The following NAE1 variants were observed in gnomAD, a reference collection of about 807,000 sequenced individuals.
The protein encoded by NAE1 is NEDD8-activating enzyme E1 regulatory subunit.
NAE1 carries 59 observed loss-of-function variants against 88.0 expected under a neutral mutation model. The observed-to-expected ratio is 0.67, with a 90% CI of 0.54 to 0.83. The LOEUF is 0.83. Ranked by LOEUF, NAE1 falls within the 40% of genes least tolerant of loss-of-function variation. The pLI is 0.00. For synonymous variants in NAE1, 186 were observed against 208.9 expected (o/e 0.89, Z 0.95); for missense variants, 554 against 632.8 (o/e 0.88, Z 1.34).
intron 1 of NAE1, chr16:66,827,882 T>C (rs1273799961): frequency 2.9e-6 from 3 of 1,030,782 alleles, no homozygotes; most frequent in Middle Eastern, 2.4e-4. Flanking sequence ...TACAGGGTCT[T>C]ACTATGTTAT....
At chr16:66,818,726 G>A in intron 7 of NAE1, 89 bp from the exon 8 acceptor site, 1 of 1,433,642 alleles carries the variant, frequency 7.0e-7, no homozygotes, top group African/African-American at 1.5e-5. Flanking sequence ...CCAGGCTGAA[G>A]TACAGTGGCA....
At chr16:66,808,395 T>C (rs1959657553) in intron 17 of NAE1, 126 bp downstream of exon 17, 4 of 679,016 alleles carry the variant, frequency 5.9e-6, no homozygotes, top group Admixed American at 3.2e-5. Context: ...TGGGGAACGT[T>C]TGGGGTGTAA....
intron 12 of NAE1, 31 bp from the exon 13 acceptor site, chr16:66,813,728 T>C: frequency 6.2e-7 from 1 of 1,610,628 alleles, no homozygotes. Flanking sequence ...TAACATTAAG[T>C]GGCGTTTTAC....
intron 13 of NAE1, among the ~76,000 whole-genome samples, chr16:66,812,293 T>C (rs1372792934): frequency 4.6e-5 from 7 of 152,066 alleles, no homozygotes; most frequent in Admixed American, 2.0e-4. Flanking sequence ...ATGTGTAAAA[T>C]GGGGCCGGTA....
intron 17 of NAE1, among the ~76,000 whole-genome samples, chr16:66,806,310 G>A (rs1959561499): frequency 6.6e-6 from 1 of 152,136 alleles, no homozygotes; most frequent in South Asian, 2.1e-4. Flanking sequence ...TTTGATAGAA[G>A]AACTTAATGA....
chr16:66,803,132 G>C lies in NAE1; in HGVS notation c.1496-14C>G. 6.6e-7 allele frequency: 1 copy of C among 1,517,194 alleles called. No individual in the cohort carries two copies. Among genetic ancestry groups the C allele is most frequent in the South Asian group, 1.1e-5 (1 of 88,838 alleles). The allele number at this position is 1,517,194 out of a possible 1,614,324, so 94.0% of individuals were successfully genotyped here. On this transcript the variant is annotated splice_polypyrimidine_tract_variant and intron_variant, in intron 19 of 19. Coordinates refer to ENST00000290810, the MANE Select transcript of NAE1 (RefSeq NM_003905.4). ...GAGCAGCAGCTCCTGAAAGGAAAAA[G>C]GAGAAAAGCAAATCTTTGAAAGAGT...
intron 19 of NAE1, among the ~76,000 whole-genome samples, chr16:66,804,967 T>C (rs908786283): frequency 6.6e-6 from 1 of 152,178 alleles, no homozygotes; most frequent in African/African-American, 2.4e-5. Flanking sequence ...TCTATGATAT[T>C]CTGTTACAGC....
chr16:66,813,604 T>C lies in NAE1; in HGVS notation c.994A>G (p.Met332Val). The stretch of plus-strand genomic sequence containing the variant: ...ATATATTTGCCTGAATCTGCAATCA[T>C]ATCAGGAATTGTGCCTCGAACAGGT... Reference protein sequence around the residue: ...NLPVRGTIPDMIADSGKYIKL... With the variant: ...NLPVRGTIPDVIADSGKYIKL... The change falls in exon 13 of 20, where the codon ATG (methionine) becomes GTG (valine). Residue 332 changes from methionine to valine, a missense_variant. Physicochemically the swap from Met to Val is conservative, Grantham distance 21 (BLOSUM62 1). Transcript: ENST00000290810. 1.2e-6 allele frequency: 2 copies of C among 1,613,948 alleles called. No individual in the cohort carries two copies. The highest frequency in any genetic ancestry group is 1.7e-5 in the Admixed American group (1 of 59,990).
chr16:66,806,476 G>C (rs1210983384), intron 17 of NAE1, among the ~76,000 whole-genome samples: 2 of 151,840 alleles, frequency 1.3e-5, no homozygotes, highest in East Asian at 1.9e-4. Context: ...CTAGGCTGGA[G>C]TGCAGTGGTG....
chr16:66,817,129 C>CA, intron 9 of NAE1, 101 bp from the exon 10 acceptor site: 1 of 1,399,258 alleles, frequency 7.1e-7, no homozygotes, highest in Admixed American at 2.9e-5. Flanking sequence ...ATTTCATCAA[C>CA]AAATATATTT....
Position 66,823,243 on chromosome 16 carries a change from T to C in NAE1, c.385A>G (p.Thr129Ala), listed in dbSNP as rs1960338180. Residue 129 changes from threonine to alanine, a missense_variant, in exon 6 of 20, where the codon ACT becomes GCT. Coordinates refer to ENST00000290810, the MANE Select transcript of NAE1 (RefSeq NM_003905.4). ...AAAATTTACCTTTCAGGAAGCTGAGTTGCAACTACAACAGTAAACCTACAG... is the reference window on the plus strand; with the variant it reads ...AAAATTTACCTTTCAGGAAGCTGAGCTGCAACTACAACAGTAAACCTACAG... ...FFCRFTVVVA[T>A]QLPESTSLRL... 5 of 1,590,340 alleles carry C rather than the reference T, an allele frequency of 3.1e-6. No homozygotes were observed. Among genetic ancestry groups the C allele is most frequent in the Non-Finnish European group, 2.6e-6 (3 of 1,169,914 alleles).
At chr16:66,818,443 T>TAAC (rs1401726718) in intron 8 of NAE1, 85 bp downstream of exon 8, 6 of 960,628 alleles carry the variant, frequency 6.2e-6, no homozygotes, top group Non-Finnish European at 9.1e-6. Flanking sequence ...TATAGGATTT[T>TAAC]CTCACTTTAG....
intron 17 of NAE1, among the ~76,000 whole-genome samples, chr16:66,807,097 T>G (rs1959596178): frequency 6.6e-6 from 1 of 152,118 alleles, no homozygotes; most frequent in South Asian, 2.1e-4. Context: ...CATGTCTAAC[T>G]CAGTCAGTCA....
chr16:66,818,690 A>G, intron 7 of NAE1, 53 bp from the exon 8 acceptor site: 2 of 1,532,456 alleles, frequency 1.3e-6, no homozygotes, highest in South Asian at 1.2e-5. Context: ...AAAAAAAAAG[A>G]GAGAGATGGG....
Position 66,810,714 on chromosome 16 carries a change from G to A in NAE1, c.1093C>T (p.Leu365=), listed in dbSNP as rs769684888. 11 of 1,614,166 alleles carry A rather than the reference G, an allele frequency of 6.8e-6. No homozygotes were observed. Among genetic ancestry groups the A allele is most frequent in the Non-Finnish European group, 9.3e-6 (11 of 1,179,996 alleles). Residue 365 remains leucine, a synonymous_variant, in exon 14 of 20, where the codon CTG becomes TTG. Coordinates refer to ENST00000290810, the MANE Select transcript of NAE1 (RefSeq NM_003905.4). ...TAGCTTACCTGGCCAATGGACTGCA[G>A]CAATTTGGCAACATGATTACCCACA... ...AAVGNHVAKL[L]QSIGQAPESI... is the part of the protein sequence containing the mutation.
chr16:66,810,523 G>A (rs1167039919), intron 14 of NAE1, 110 bp from the exon 15 acceptor site: 3 of 1,147,570 alleles, frequency 2.6e-6, no homozygotes, highest in Admixed American at 2.2e-5. Flanking sequence ...CAAGAGCTGG[G>A]AGAGCACTTT....
chr16:66,818,439 A>AAG (rs1333737787), intron 8 of NAE1, 89 bp downstream of exon 8: 6 of 929,892 alleles, frequency 6.5e-6, no homozygotes, highest in Non-Finnish European at 9.5e-6. Context: ...AGTTTATAGG[A>AAG]TTTTCTCACT....
At chr16:66,806,659 C>T (rs927293650) in intron 17 of NAE1, among the ~76,000 whole-genome samples, 9 of 152,184 alleles carry the variant, frequency 5.9e-5, no homozygotes, top group South Asian at 4.1e-4. Flanking sequence ...GTGATCCACC[C>T]GCCTTGGCCT....
chr16:66,821,030 T>C (rs985347282), intron 7 of NAE1, among the ~76,000 whole-genome samples: 2 of 152,024 alleles, frequency 1.3e-5, no homozygotes, highest in African/African-American at 2.4e-5. Flanking sequence ...GATTGTGCCA[T>C]TGTACTCCAG....
Sources: allele counts gnomAD v4.1 joint callset (sites outside exome capture counted in the v4.1 genomes callset), GRCh38; gene constraint gnomAD v4.1.1; transcripts MANE v1.5; gene names NCBI Gene and HGNC (gene_info 2026-07-23, HGNC 2026-07-21).